The following PDZRN4 variants were observed in gnomAD, a reference collection of about 807,000 sequenced individuals.
PDZRN4 encodes the protein PDZ domain-containing RING finger protein 4.
In PDZRN4, 70 loss-of-function variants were observed where a neutral mutation model predicts 99.0. That is an observed-to-expected ratio of 0.71 (90% CI 0.58 to 0.86). The LOEUF (loss-of-function observed/expected upper bound fraction) is 0.86. Among genes scored for constraint, PDZRN4 ranks in the 40% least tolerant of loss-of-function variants. The pLI is 0.00. For synonymous variants in PDZRN4, 551 were observed against 501.6 expected, an observed-to-expected ratio of 1.10 and a Z score of -1.32; for missense variants, 1,474 against 1,331.2, an observed-to-expected ratio of 1.11 and a Z score of -1.67.
At chr12:41,423,769 T>A (rs924626504) in intron 3 of PDZRN4, among the ~76,000 whole-genome samples, 2 of 152,158 alleles carry the variant, frequency 1.3e-5, no homozygotes, top group African/African-American at 4.8e-5. Context: ...GTGATTGTAA[T>A]CTTTCCAAAT....
intron 3 of PDZRN4, among the ~76,000 whole-genome samples, chr12:41,504,302 T>G (rs1015667549): frequency 7.9e-5 from 12 of 151,920 alleles, no homozygotes; most frequent in Admixed American, 6.6e-4. Context: ...AAATAAATAG[T>G]TGATAACAGA....
intron 5 of PDZRN4, among the ~76,000 whole-genome samples, chr12:41,539,933 G>A (rs986207595): frequency 2.0e-5 from 3 of 152,064 alleles, no homozygotes; most frequent in South Asian, 2.1e-4. Flanking sequence ...TGGTTTTAAT[G>A]CATGTTACTA....
intron 3 of PDZRN4, among the ~76,000 whole-genome samples, chr12:41,202,126 C>T (rs1474845999): frequency 6.6e-6 from 1 of 152,094 alleles, no homozygotes; most frequent in Non-Finnish European, 1.5e-5. Flanking sequence ...GTTTCCAAGC[C>T]TTGTAAATGG....
At chr12:41,354,433 A>G (rs1951912656) in intron 3 of PDZRN4, among the ~76,000 whole-genome samples, 3 of 152,148 alleles carry the variant, frequency 2.0e-5, no homozygotes, top group Admixed American at 1.3e-4. Context: ...CTCCCTCTTC[A>G]GTCCCATACT....
At chr12:41,324,581 T>A (rs1243914312) in intron 3 of PDZRN4, among the ~76,000 whole-genome samples, 1 of 152,098 alleles carries the variant, frequency 6.6e-6, no homozygotes, top group Non-Finnish European at 1.5e-5. Context: ...TTGTCATACA[T>A]GTGTCATCAA....
Position 41,188,604 on chromosome 12 carries a change from G to T in PDZRN4, c.149G>T (p.Arg50Leu), listed in dbSNP as rs1950709973. 6.5e-7 allele frequency: 1 copy of T among 1,539,386 alleles called. No individual in the cohort carries two copies. Reference protein sequence around the residue: ...SCLLPWAVRRRRCPLQCQPLA... With the variant: ...SCLLPWAVRRLRCPLQCQPLA... ...CTGTTGCCCTGGGCGGTGCGGAGGC[G>T]CCGGTGCCCGCTGCAGTGCCAGCCC... The change falls in exon 1 of 10, where the codon CGC becomes CTC. Residue 50 changes from arginine to leucine, a missense_variant. Physicochemically the swap from Arg to Leu is moderately radical, Grantham distance 102 (BLOSUM62 -2). Coordinates refer to ENST00000402685, the MANE Select transcript of PDZRN4 (RefSeq NM_001164595.2).
At chr12:41,264,486 C>G (rs1173363783) in intron 3 of PDZRN4, among the ~76,000 whole-genome samples, 1 of 152,042 alleles carries the variant, frequency 6.6e-6, no homozygotes. Context: ...TAATATTGCT[C>G]TGAAGCTGAG....
intron 5 of PDZRN4, among the ~76,000 whole-genome samples, chr12:41,523,965 T>C (rs972403376): frequency 2.6e-5 from 4 of 152,270 alleles, no homozygotes; most frequent in South Asian, 2.1e-4. Flanking sequence ...AAGTATACAC[T>C]TATGAAATCA....
chr12:41,431,795 G>C (rs192412254), intron 3 of PDZRN4, among the ~76,000 whole-genome samples: 136 of 152,318 alleles, frequency 8.9e-4, no homozygotes, highest in Middle Eastern at 3.4e-3. Context: ...GTGAGGAAAG[G>C]ATGCTTGCTT....
At position 41,218,488 on chromosome 12, in the gene PDZRN4, C is replaced by T. The variant is rs191447576; in HGVS notation, c.843+24300C>T. 3.4e-3 allele frequency among the ~76,000 whole-genome samples: 509 copies of T among 151,254 alleles called. 3 individuals carry two copies. Among genetic ancestry groups the T allele is most frequent in the Non-Finnish European group, 5.1e-3 (345 of 67,938 alleles). ...CTGATTTGCATCTCATATTCTTGTG[C>T]TTTTGTTTCAAAAAAAATTTAATGT... is the stretch of plus-strand genomic sequence containing the variant. On this transcript the variant is annotated intron_variant, in intron 3 of 9. Transcript: ENST00000402685.
At chr12:41,382,182 G>T (rs976072011) in intron 3 of PDZRN4, among the ~76,000 whole-genome samples, 1 of 152,180 alleles carries the variant, frequency 6.6e-6, no homozygotes, top group African/African-American at 2.4e-5. Context: ...CGCCAAGCTA[G>T]CTGGGGCCCC....
At chr12:41,429,542 T>C (rs1952567824) in intron 3 of PDZRN4, among the ~76,000 whole-genome samples, 1 of 152,152 alleles carries the variant, frequency 6.6e-6, no homozygotes, top group South Asian at 2.1e-4. Flanking sequence ...TCTGGCCCTC[T>C]AGGAATTTGT....
intron 3 of PDZRN4, among the ~76,000 whole-genome samples, chr12:41,389,236 A>G (rs1335930252): frequency 6.6e-6 from 1 of 152,218 alleles, no homozygotes; most frequent in Non-Finnish European, 1.5e-5. Flanking sequence ...AAATGAGAAT[A>G]TTAATATGTT....
At chr12:41,281,434 T>C (rs1010719908) in intron 3 of PDZRN4, among the ~76,000 whole-genome samples, 3 of 152,202 alleles carry the variant, frequency 2.0e-5, no homozygotes, top group African/African-American at 7.2e-5. Context: ...TAAAGGAGCA[T>C]GTTCTAACTC....
rs952150838 is a variant in PDZRN4, at chr12:41,371,026, C to T, written c.844-135430C>T. ...ATTTTAGATGATTTTCAGTATCAAC[C>T]GGCTCTCCATAAAGTAATTCATCTC... On this transcript the variant is annotated intron_variant, in intron 3 of 9. Coordinates refer to ENST00000402685, the MANE Select transcript of PDZRN4 (RefSeq NM_001164595.2). 1.1e-4 allele frequency among the ~76,000 whole-genome samples: 17 copies of T among 150,992 alleles called. No homozygotes were observed. The South Asian group carries it at 1.5e-3, about 13-fold the overall frequency.
chr12:41,514,801 C>G (rs1938371904), intron 5 of PDZRN4, among the ~76,000 whole-genome samples: 1 of 152,022 alleles, frequency 6.6e-6, no homozygotes, highest in Non-Finnish European at 1.5e-5. Flanking sequence ...GGTATTTGTT[C>G]TTGGAGTCAG....
At chr12:41,527,434 C>T (rs2120729617) in intron 5 of PDZRN4, among the ~76,000 whole-genome samples, 1 of 152,042 alleles carries the variant, frequency 6.6e-6, no homozygotes, top group South Asian at 2.1e-4. Flanking sequence ...CCAGATAGAC[C>T]CATTTTTGTA....
chr12:41,251,351 A>G (rs895368621), intron 3 of PDZRN4, among the ~76,000 whole-genome samples: 41 of 152,240 alleles, frequency 2.7e-4, no homozygotes, highest in African/African-American at 8.7e-4. Context: ...CATCTTCAAC[A>G]TATTCTCATC....
intron 3 of PDZRN4, among the ~76,000 whole-genome samples, chr12:41,312,662 T>C (rs907554935): frequency 1.3e-5 from 2 of 152,138 alleles, no homozygotes; most frequent in Non-Finnish European, 2.9e-5. Context: ...CTCCCCTTTA[T>C]AAAACCATCA....
Sources: allele counts gnomAD v4.1 joint callset (sites outside exome capture counted in the v4.1 genomes callset), GRCh38; gene constraint gnomAD v4.1.1; transcripts MANE v1.5; gene names NCBI Gene and HGNC (gene_info 2026-07-23, HGNC 2026-07-21).